The following LINGO2 variants were observed in gnomAD, a reference collection of about 807,000 sequenced individuals.
LINGO2 encodes leucine-rich repeat and immunoglobulin-like domain-containing nogo receptor-interacting protein 2.
In LINGO2, 14 loss-of-function variants were observed where a neutral mutation model predicts 30.6. That is an observed-to-expected ratio of 0.46 (90% confidence interval 0.30 to 0.72). The LOEUF is 0.72. LINGO2 is among the 30% of genes least tolerant of loss of function. The pLI, the probability that LINGO2 is intolerant of heterozygous loss-of-function variation, is 0.07. For missense variants in LINGO2, 729 were observed against 751.7 expected, an observed-to-expected ratio of 0.97 and a Z score of 0.35; for synonymous variants, 317 against 288.5, an observed-to-expected ratio of 1.10 and a Z score of -1.00.
At chr9:29,051,785 A>C in the LINGO2 span, among the ~76,000 whole-genome samples, 1 of 152,130 alleles carries the variant, frequency 6.6e-6, no homozygotes, top group African/African-American at 2.4e-5. Flanking sequence ...GGAAGCTTGC[A>C]TTCAAATTCT....
chr9:28,866,788 T>C, the LINGO2 span, among the ~76,000 whole-genome samples: 1 of 152,176 alleles, frequency 6.6e-6, no homozygotes, highest in South Asian at 2.1e-4. Context: ...TTCCAGCTAA[T>C]GGAGAATTCT....
intron 1 of LINGO2, among the ~76,000 whole-genome samples, chr9:28,589,460 A>G (rs2135698192): frequency 6.6e-6 from 1 of 152,238 alleles, no homozygotes; most frequent in Non-Finnish European, 1.5e-5. Flanking sequence ...AAGTCTCAGG[A>G]TACAAAATCA....
chr9:28,887,586 A>C, the LINGO2 span, among the ~76,000 whole-genome samples: 2 of 152,130 alleles, frequency 1.3e-5, no homozygotes, highest in Non-Finnish European at 2.9e-5. Context: ...CAGAGGAGAC[A>C]TCACAACAAG....
At chr9:28,967,810 T>C in the LINGO2 span, among the ~76,000 whole-genome samples, 7 of 152,200 alleles carry the variant, frequency 4.6e-5, no homozygotes, top group African/African-American at 1.7e-4. Flanking sequence ...TACAATCTAT[T>C]TCTTCTCTTT....
At chr9:29,054,208 C>T in the LINGO2 span, among the ~76,000 whole-genome samples, 19 of 152,174 alleles carry the variant, frequency 1.2e-4, no homozygotes, top group African/African-American at 4.6e-4. Flanking sequence ...AATTGTACAA[C>T]AAAACTAAAT....
At chr9:28,741,892 G>C in the LINGO2 span, among the ~76,000 whole-genome samples, 1 of 151,862 alleles carries the variant, frequency 6.6e-6, no homozygotes, top group Non-Finnish European at 1.5e-5. Context: ...CTTGGGTTTA[G>C]CCTGGTGCTG....
chr9:27,957,513 C>T (rs985620538), intron 5 of LINGO2, among the ~76,000 whole-genome samples: 1 of 152,136 alleles, frequency 6.6e-6, no homozygotes. Context: ...AGGATGATCT[C>T]GATCTCCTGA....
the LINGO2 span, among the ~76,000 whole-genome samples, chr9:29,114,245 T>A: frequency 1.1e-4 from 16 of 151,800 alleles, no homozygotes; most frequent in Admixed American, 1.1e-3. Flanking sequence ...ATGTATCTAT[T>A]GACATGTTGT....
chr9:28,708,957 GATAATA>G, the LINGO2 span, among the ~76,000 whole-genome samples: 1 of 152,090 alleles, frequency 6.6e-6, no homozygotes, highest in South Asian at 2.1e-4. Context: ...TTGTCAAATT[GATAATA>G]ATGACTATCA....
intron 4 of LINGO2, among the ~76,000 whole-genome samples, chr9:28,198,482 T>C (rs1820099256): frequency 6.6e-6 from 1 of 152,180 alleles, no homozygotes; most frequent in African/African-American, 2.4e-5. Flanking sequence ...TTTCAATTTC[T>C]TTCCTTTGCA....
At chr9:28,840,741 T>G in the LINGO2 span, among the ~76,000 whole-genome samples, 1 of 151,942 alleles carries the variant, frequency 6.6e-6, no homozygotes, top group Admixed American at 6.5e-5. Context: ...TGCAATTCAA[T>G]TAGCTATAGA....
intron 1 of LINGO2, among the ~76,000 whole-genome samples, chr9:28,537,464 G>C (rs558520366): frequency 6.6e-6 from 1 of 152,022 alleles, no homozygotes; most frequent in East Asian, 1.9e-4. Flanking sequence ...TAGAAAAATA[G>C]TCATGGACTT....
chr9:29,007,553 A>G, the LINGO2 span, among the ~76,000 whole-genome samples: 1 of 152,198 alleles, frequency 6.6e-6, no homozygotes, highest in South Asian at 2.1e-4. Flanking sequence ...TGTGCCACTG[A>G]AGGCCTTTTT....
intron 4 of LINGO2, among the ~76,000 whole-genome samples, chr9:28,158,268 C>T (rs146225864): frequency 1.3e-5 from 2 of 152,094 alleles, no homozygotes; most frequent in African/African-American, 4.8e-5. Context: ...TTCGCTGTCA[C>T]GAGAACAGCA....
intron 4 of LINGO2, among the ~76,000 whole-genome samples, chr9:28,194,790 CTT>C (rs966083765): frequency 4.6e-5 from 7 of 151,844 alleles, no homozygotes; most frequent in South Asian, 4.1e-4. Flanking sequence ...AATAATTTAA[CTT>C]AAGTTTATTT....
the LINGO2 span, among the ~76,000 whole-genome samples, chr9:29,069,240 A>T: frequency 6.6e-6 from 1 of 152,000 alleles, no homozygotes; most frequent in Non-Finnish European, 1.5e-5. Flanking sequence ...AGAAGTTATA[A>T]GTTATATTTT....
chr9:28,387,699 G>C (rs368949716), intron 2 of LINGO2, among the ~76,000 whole-genome samples: 2 of 152,064 alleles, frequency 1.3e-5, no homozygotes, highest in East Asian at 3.9e-4. Flanking sequence ...CACTCACTGC[G>C]AAGGTTTGCA....
intron 4 of LINGO2, among the ~76,000 whole-genome samples, chr9:28,117,266 G>A (rs928864892): frequency 7.9e-5 from 12 of 151,552 alleles, no homozygotes; most frequent in South Asian, 2.1e-4. Flanking sequence ...CAGTCTGCCC[G>A]TTCTCAGATC....
At chr9:29,189,930 C>T in the LINGO2 span, among the ~76,000 whole-genome samples, 7 of 150,962 alleles carry the variant, frequency 4.6e-5, no homozygotes, top group African/African-American at 1.7e-4. Flanking sequence ...GAGAATCAGG[C>T]AGGGAGGTTG....
Sources: allele counts gnomAD v4.1 joint callset (sites outside exome capture counted in the v4.1 genomes callset), GRCh38; gene constraint gnomAD v4.1.1; transcripts MANE v1.5; gene names NCBI Gene and HGNC (gene_info 2026-07-23, HGNC 2026-07-21).